The following IL1RAPL2 variants were observed in gnomAD, a reference collection of about 807,000 sequenced individuals.
IL1RAPL2 encodes X-linked interleukin-1 receptor accessory protein-like 2.
Under a neutral mutation model 44.1 loss-of-function variants are expected in IL1RAPL2, and 3 were observed. That is an observed-to-expected ratio of 0.07 (90% CI 0.03 to 0.18). The LOEUF is 0.18. IL1RAPL2 is among the 10% of genes least tolerant of loss of function. The pLI, the probability that IL1RAPL2 is intolerant of heterozygous loss-of-function variation, is 1.00. For synonymous variants in IL1RAPL2, 181 were observed against 178.8 expected (o/e 1.01, Z -0.10); for missense variants, 391 against 496.4 (o/e 0.79, Z 2.02).
intron 2 of IL1RAPL2, among the ~76,000 whole-genome samples, chrX:104,807,733 G>A (rs775995796): frequency 3.6e-4 from 40 of 110,260 alleles, no homozygotes; most frequent in African/African-American, 1.2e-3. Context: ...TATAGTATCC[G>A]TTTTCCCTCT....
At chrX:104,876,635 A>T (rs1602774744) in intron 2 of IL1RAPL2, among the ~76,000 whole-genome samples, 1 of 97,604 alleles carries the variant, frequency 1.0e-5, no homozygotes, top group South Asian at 4.7e-4. Context: ...CAACCAAATC[A>T]CTGTTATATA....
intron 3 of IL1RAPL2, among the ~76,000 whole-genome samples, chrX:105,214,251 G>T (rs1305591295): frequency 3.0e-5 from 3 of 101,608 alleles, no homozygotes; most frequent in African/African-American, 1.1e-4. Flanking sequence ...ACACACATAG[G>T]CTCAAAATAA....
intron 1 of IL1RAPL2, among the ~76,000 whole-genome samples, chrX:104,580,742 T>C (rs182411041): frequency 2.4e-4 from 27 of 112,437 alleles, no homozygotes; most frequent in Non-Finnish European, 2.1e-4. Context: ...CAGGTTCTAA[T>C]CCTTGCCTGC....
chrX:105,497,208 G>C (rs2147780856), intron 6 of IL1RAPL2, among the ~76,000 whole-genome samples: 1 of 111,030 alleles, frequency 9.0e-6, no homozygotes, highest in African/African-American at 3.3e-5. Context: ...AACAAATGCT[G>C]GTGAGGATTA....
intron 6 of IL1RAPL2, among the ~76,000 whole-genome samples, chrX:105,607,635 C>CAAAAAAAAAAAAAAAAAAAAA (rs11377516): frequency 1.3e-4 from 2 of 15,726 alleles, no homozygotes; most frequent in Non-Finnish European, 2.2e-4. Context: ...ATTCAGCAGA[C>CAAAAAAAAAAAAAAAAAAAAA]AAAAAAAAAA....
At chrX:104,842,871 A>C (rs926322692) in intron 2 of IL1RAPL2, among the ~76,000 whole-genome samples, 3 of 112,782 alleles carry the variant, frequency 2.7e-5, no homozygotes, top group Non-Finnish European at 5.6e-5. Flanking sequence ...CACGGGGGTC[A>C]GGTACACACT....
intron 5 of IL1RAPL2, among the ~76,000 whole-genome samples, chrX:105,365,450 T>C (rs1379574493): frequency 1.8e-5 from 2 of 111,457 alleles, no homozygotes; most frequent in Non-Finnish European, 3.8e-5. Context: ...TTAAATTTTT[T>C]TGGGGGAGAG....
chrX:104,891,508 C>T (rs747943697), intron 2 of IL1RAPL2, among the ~76,000 whole-genome samples: 2 of 111,736 alleles, frequency 1.8e-5, no homozygotes, highest in Non-Finnish European at 3.8e-5. Flanking sequence ...AGAGGTCCTT[C>T]ACATCCCTTG....
intron 2 of IL1RAPL2, among the ~76,000 whole-genome samples, chrX:104,905,618 A>G (rs1923965900): frequency 9.0e-6 from 1 of 111,103 alleles, no homozygotes; most frequent in Admixed American, 9.6e-5. Flanking sequence ...AGTTGTAGAT[A>G]TGTGGTGTTA....
intron 6 of IL1RAPL2, among the ~76,000 whole-genome samples, chrX:105,684,333 C>G (rs1439532581): frequency 8.9e-6 from 1 of 112,762 alleles, no homozygotes; most frequent in Non-Finnish European, 1.9e-5. Context: ...TGCCCAAATA[C>G]TGCACTTTTC....
chrX:104,622,808 A>G (rs1163469206), intron 1 of IL1RAPL2, among the ~76,000 whole-genome samples: 2 of 112,344 alleles, frequency 1.8e-5, no homozygotes, highest in Non-Finnish European at 3.8e-5. Context: ...CTCACTCTCA[A>G]AAATGTAACT....
intron 3 of IL1RAPL2, among the ~76,000 whole-genome samples, chrX:105,226,385 C>CTTTTTTTTTTTTTT (rs35192051): frequency 9.4e-5 from 5 of 53,330 alleles, no homozygotes; most frequent in African/African-American, 3.8e-4. Context: ...TTTCTTTTCC[C>CTTTTTTTTTTTTTT]TTTTTTTTTT....
intron 2 of IL1RAPL2, among the ~76,000 whole-genome samples, chrX:104,983,338 C>CTATATA (rs745444231): frequency 2.5e-4 from 24 of 96,597 alleles, no homozygotes; most frequent in African/African-American, 7.1e-4. Flanking sequence ...ATAGAAAATG[C>CTATATA]TATATATATA....
At chrX:104,867,214 G>A (rs1351459079) in intron 2 of IL1RAPL2, among the ~76,000 whole-genome samples, 1 of 90,246 alleles carries the variant, frequency 1.1e-5, no homozygotes, top group African/African-American at 4.3e-5. Flanking sequence ...TCTGGCCTGG[G>A]CAAAAGAGCA....
At chrX:105,046,977 C>T (rs1242621312) in intron 2 of IL1RAPL2, among the ~76,000 whole-genome samples, 2 of 109,780 alleles carry the variant, frequency 1.8e-5, no homozygotes, top group Non-Finnish European at 3.8e-5. Context: ...TGCCCGCTCC[C>T]TTCACTCCTG....
At chrX:105,665,340 C>CGT (rs1178623936) in intron 6 of IL1RAPL2, among the ~76,000 whole-genome samples, 8 of 76,605 alleles carry the variant, frequency 1.0e-4, no homozygotes, top group Non-Finnish European at 1.5e-4. Flanking sequence ...ATTTTATGCG[C>CGT]GTGCGTGTGT....
At chrX:105,237,415 G>A (rs1033998835) in intron 4 of IL1RAPL2, among the ~76,000 whole-genome samples, 5 of 111,845 alleles carry the variant, frequency 4.5e-5, no homozygotes, top group Admixed American at 9.5e-5. Flanking sequence ...CTGAGGAATC[G>A]CCACACTGTC....
intron 2 of IL1RAPL2, among the ~76,000 whole-genome samples, chrX:104,879,946 A>G (rs1489723122): frequency 9.0e-6 from 1 of 111,390 alleles, no homozygotes; most frequent in East Asian, 2.8e-4. Flanking sequence ...GCCAAGTAGG[A>G]TGGCCAACTT....
intron 2 of IL1RAPL2, among the ~76,000 whole-genome samples, chrX:104,839,553 T>G (rs932836376): frequency 8.9e-6 from 1 of 111,861 alleles, no homozygotes. Context: ...ATTTTCTTTT[T>G]TTGTTGTGTC....
Sources: gnomAD v4.1 joint callset for allele counts (sites outside exome capture counted in the v4.1 genomes callset) on GRCh38, gnomAD v4.1.1 for gene constraint, MANE v1.5 for transcripts, NCBI Gene and HGNC (gene_info 2026-07-23, HGNC 2026-07-21) for gene names.